Variants in NRG3 observed in about 807,000 individuals in gnomAD.
NRG3 encodes pro-neuregulin-3, membrane-bound isoform.
A neutral mutation model predicts 66.9 loss-of-function variants in NRG3; 31 were observed. The observed-to-expected ratio is 0.46, with a 90% confidence interval of 0.35 to 0.63. The LOEUF (loss-of-function observed/expected upper bound fraction) is 0.63, where lower values mean the gene tolerates loss of function less well. Ranked by LOEUF, NRG3 falls within the 20% of genes least tolerant of loss-of-function variation. The pLI is 0.00. For missense variants in NRG3, 910 were observed against 878.9 expected (o/e 1.04, Z -0.45); for synonymous variants, 393 against 359.4 (o/e 1.09, Z -1.06).
At chr10:82,752,248 A>G (rs1270986013) in intron 3 of NRG3, among the ~76,000 whole-genome samples, 1 of 152,178 alleles carries the variant, frequency 6.6e-6, no homozygotes, top group East Asian at 1.9e-4. Flanking sequence ...TAATACATTC[A>G]CATGGTTCAG....
intron 1 of NRG3, among the ~76,000 whole-genome samples, chr10:82,241,888 G>A (rs1230165306): frequency 2.6e-5 from 4 of 152,128 alleles, no homozygotes; most frequent in Non-Finnish European, 5.9e-5. Flanking sequence ...ATTTCCTGGA[G>A]TGGACTGGAA....
rs10748876 is a variant in NRG3, at chr10:82,062,646, G to A, written c.823+186483G>A. Among the ~76,000 whole-genome samples, 18 of 151,748 alleles carry A rather than the reference G, an allele frequency of 1.2e-4. No individual in the cohort carries two copies. The South Asian group carries it at 3.3e-3, about 28-fold the overall frequency. On this transcript the variant is annotated intron_variant, in intron 1 of 8. Transcript: ENST00000372141. ...GAAAAAAAATAAGAATTAAGGGAAA[G>A]CTGGCTCCCAGGCAATGGGATGGAG...
At chr10:82,816,350 G>A (rs1298274757) in intron 3 of NRG3, among the ~76,000 whole-genome samples, 3 of 152,182 alleles carry the variant, frequency 2.0e-5, no homozygotes, top group Admixed American at 6.5e-5. Flanking sequence ...CAGGAGACCC[G>A]AAGTGGGTAG....
chr10:82,697,737 G>A (rs2134256775), intron 2 of NRG3, among the ~76,000 whole-genome samples: 1 of 152,262 alleles, frequency 6.6e-6, no homozygotes, highest in South Asian at 2.1e-4. Flanking sequence ...GGAAGTGGTA[G>A]GAAGCAGAGA....
At chr10:82,591,105 C>T (rs2046956084) in intron 2 of NRG3, among the ~76,000 whole-genome samples, 1 of 152,190 alleles carries the variant, frequency 6.6e-6, no homozygotes, top group African/African-American at 2.4e-5. Context: ...ATATTCTTTT[C>T]ACTAGTGGGA....
chr10:81,892,083 G>A (rs142773117), intron 1 of NRG3, among the ~76,000 whole-genome samples: 177 of 152,114 alleles, frequency 1.2e-3, no homozygotes, highest in Non-Finnish European at 2.0e-3. Context: ...ATACATACGT[G>A]GGACTTGGTT....
intron 2 of NRG3, among the ~76,000 whole-genome samples, chr10:82,563,481 C>CCCCCAG (rs1326761271): frequency 3.3e-5 from 5 of 151,736 alleles, no homozygotes; most frequent in Admixed American, 6.6e-5. Context: ...TCAGCCTGTT[C>CCCCCAG]CCTGAGATTT....
At chr10:81,966,764 T>G (rs1336461929) in intron 1 of NRG3, among the ~76,000 whole-genome samples, 3 of 152,200 alleles carry the variant, frequency 2.0e-5, no homozygotes, top group Non-Finnish European at 4.4e-5. Context: ...GTTTAGATAA[T>G]TCTCTTTGAC....
intron 2 of NRG3, among the ~76,000 whole-genome samples, chr10:82,466,186 C>T (rs1840659728): frequency 6.6e-6 from 1 of 151,030 alleles, no homozygotes; most frequent in African/African-American, 2.4e-5. Context: ...TCTCCTCCAA[C>T]CTCTGTCTCT....
chr10:82,214,609 C>A (rs1005526949), intron 1 of NRG3, among the ~76,000 whole-genome samples: 3 of 150,950 alleles, frequency 2.0e-5, no homozygotes, highest in Admixed American at 6.6e-5. Flanking sequence ...ACTACAGGCA[C>A]ATGCCACCAC....
chr10:82,746,949 G>A (rs977324923), intron 3 of NRG3, among the ~76,000 whole-genome samples: 12 of 152,144 alleles, frequency 7.9e-5, no homozygotes, highest in African/African-American at 2.6e-4. Flanking sequence ...CAGGCATGGC[G>A]GTATGCACCT....
chr10:82,431,365 AT>A (rs1282923587), intron 2 of NRG3, among the ~76,000 whole-genome samples: 1 of 152,126 alleles, frequency 6.6e-6, no homozygotes, highest in Admixed American at 6.5e-5. Flanking sequence ...GAGTTTGCTA[AT>A]TTTTAAGTCT....
chr10:82,757,404 G>A (rs2059123329), intron 3 of NRG3, among the ~76,000 whole-genome samples: 1 of 152,034 alleles, frequency 6.6e-6, no homozygotes, highest in African/African-American at 2.4e-5. Flanking sequence ...AGTAGAGAAT[G>A]ATTAGATTGC....
chr10:82,000,455 C>A (rs4933818), intron 1 of NRG3, among the ~76,000 whole-genome samples: 48,346 of 151,776 alleles, frequency 0.32, 9,232 homozygotes, highest in East Asian at 0.77. Flanking sequence ...ATTTTTCTGG[C>A]AGAAATGTGA....
chr10:82,692,634 G>T (rs1045036835), intron 2 of NRG3, among the ~76,000 whole-genome samples: 1 of 152,216 alleles, frequency 6.6e-6, no homozygotes, highest in South Asian at 2.1e-4. Flanking sequence ...CCTGCATAAG[G>T]CGTGAATTCC....
rs544231161 is a variant in NRG3 at position 82,307,022 on chromosome 10, C to T, written c.824-51717C>T. 3.9e-5 allele frequency among the ~76,000 whole-genome samples: 6 copies of T among 151,980 alleles called. No homozygotes were observed. The South Asian group carries it at 6.3e-4, about 16-fold the overall frequency. ...TTTTTTAAATTCCTAGTTGTCTTCT[C>T]GGTTAGTCATTAATTTCTTATTTTA... On this transcript the variant is annotated intron_variant, in intron 1 of 8. Transcript: ENST00000372141.
intron 2 of NRG3, among the ~76,000 whole-genome samples, chr10:82,427,977 A>T (rs2089553578): frequency 6.6e-6 from 1 of 151,982 alleles, no homozygotes. Context: ...CATTAAGATT[A>T]TTTAATTTGC....
chr10:82,476,548 A>G (rs935520090), intron 2 of NRG3, among the ~76,000 whole-genome samples: 5 of 152,326 alleles, frequency 3.3e-5, no homozygotes, highest in Middle Eastern at 3.4e-3. Flanking sequence ...ATTCGAACAC[A>G]TGCTACAGCA....
intron 1 of NRG3, among the ~76,000 whole-genome samples, chr10:82,008,153 C>T (rs1249803199): frequency 3.9e-5 from 6 of 152,242 alleles, no homozygotes; most frequent in African/African-American, 1.4e-4. Flanking sequence ...TAGAAAATTA[C>T]ATAATGGTTA....
Sources: gnomAD v4.1 joint callset for allele counts (sites outside exome capture counted in the v4.1 genomes callset) on GRCh38, gnomAD v4.1.1 for gene constraint, MANE v1.5 for transcripts, NCBI Gene and HGNC (gene_info 2026-07-23, HGNC 2026-07-21) for gene names.